The following BCAR3 variants were observed in gnomAD, a reference collection of about 807,000 sequenced individuals.
BCAR3 encodes the protein breast cancer anti-estrogen resistance protein 3.
A neutral mutation model predicts 80.1 loss-of-function variants in BCAR3; 37 were observed. The ratio of observed to expected loss-of-function variants is 0.46; its 90% confidence interval spans 0.36 to 0.61. The LOEUF is 0.61. BCAR3 is among the 20% of genes least tolerant of loss of function. The pLI is 0.00. For missense variants in BCAR3, 978 were observed against 1,068.2 expected (o/e 0.92, Z 1.18); for synonymous variants, 389 against 418.9 (o/e 0.93, Z 0.87).
intron 2 of BCAR3, among the ~76,000 whole-genome samples, chr1:93,766,202 A>T (rs749917596): frequency 3.2e-4 from 49 of 152,188 alleles, no homozygotes; most frequent in Non-Finnish European, 6.6e-4. Context: ...AGTTTACAGA[A>T]CAACCCTGTG....
At chr1:93,683,697 T>C (rs1421874420), upstream of BCAR3, among the ~76,000 whole-genome samples, 1 of 152,216 alleles carries the variant, frequency 6.6e-6, no homozygotes, top group Non-Finnish European at 1.5e-5. Context: ...ACATACTATA[T>C]GATTCCATTT....
chr1:93,697,757 T>A (rs1351640769), intron 3 of BCAR3, among the ~76,000 whole-genome samples: 1 of 151,954 alleles, frequency 6.6e-6, no homozygotes, highest in Non-Finnish European at 1.5e-5. Flanking sequence ...AGACGACGGA[T>A]CACCTGGGGT....
At chr1:93,637,245 C>G (rs1029591445) in intron 3 of BCAR3, among the ~76,000 whole-genome samples, 26 of 151,992 alleles carry the variant, frequency 1.7e-4, no homozygotes, top group African/African-American at 6.3e-4. Context: ...TCTCGGCTCA[C>G]TGCAACCTCC....
Position 93,642,325 on chromosome 1 carries a change from G to A in BCAR3, c.336C>T (p.Asp112=). Reference sequence around the variant, plus strand: ...CTACCTTCACATATTCCACAGTTGGGTCCAGAAGATGTGGATCCCTGAAAA... The same window carrying A: ...CTACCTTCACATATTCCACAGTTGGATCCAGAAGATGTGGATCCCTGAAAA... ...TFTFRDPHLL[D]PTVEYVKFSK... Residue 112 remains aspartate, a synonymous_variant, in exon 3 of 12, where the codon GAC becomes GAT. Coordinates refer to ENST00000260502, the MANE Select transcript of BCAR3 (RefSeq NM_003567.4). 6.2e-7 allele frequency: 1 copy of A among 1,613,712 alleles called. No individual in the cohort carries two copies. The highest frequency in any genetic ancestry group is 1.3e-5 in the African/African-American group (1 of 75,026).
intron 3 of BCAR3, among the ~76,000 whole-genome samples, chr1:93,604,392 A>G (rs1451692280): frequency 6.6e-6 from 1 of 152,232 alleles, no homozygotes; most frequent in African/African-American, 2.4e-5. Flanking sequence ...TATGAAGAGG[A>G]TATCTGTAGA....
intron 2 of BCAR3, among the ~76,000 whole-genome samples, chr1:93,763,345 T>A (rs914222852): frequency 3.3e-5 from 5 of 152,184 alleles, no homozygotes; most frequent in Non-Finnish European, 7.3e-5. Flanking sequence ...ATTATAGACA[T>A]GAGCATTGCA....
chr1:93,785,518 C>T lies in BCAR3; in HGVS notation c.-63+60049G>A, dbSNP rs1185956590. On this transcript the variant is annotated intron_variant, in intron 2 of 13. Coordinates refer to the BCAR3 transcript ENST00000370244. The stretch of plus-strand genomic sequence containing the variant: ...AATTCACAATTTTTAAAATAATGTG[C>T]TAGCTATACCAAACATGTCTGTGAA... 2.6e-5 allele frequency among the ~76,000 whole-genome samples: 4 copies of T among 152,158 alleles called. No individual in the cohort carries two copies. The East Asian group carries it at 7.7e-4, about 29-fold the overall frequency.
chr1:93,582,342 G>A lies in BCAR3; in HGVS notation c.1645C>T (p.Pro549Ser). ...RAKELFTNND[P>S]KVIAQHVLSM... ...AGTACGTGCTGGGCGATGACCTTGG[G>A]GTCGTTGTTGGTGAACAGTTCTTTT... The change falls in exon 7 of 12, where the codon CCC (proline) becomes TCC (serine). Residue 549 changes from proline to serine, a missense_variant. Physicochemically the swap from Pro to Ser is moderately conservative, Grantham distance 74 (BLOSUM62 -1). Coordinates refer to ENST00000260502, the MANE Select transcript of BCAR3 (RefSeq NM_003567.4). 2 of 1,614,204 alleles carry A rather than the reference G, an allele frequency of 1.2e-6. No homozygotes were observed. The highest frequency in any genetic ancestry group is 1.7e-6 in the Non-Finnish European group (2 of 1,180,050).
At chr1:93,800,236 G>A (rs1481784186) in intron 2 of BCAR3, among the ~76,000 whole-genome samples, 1 of 152,026 alleles carries the variant, frequency 6.6e-6, no homozygotes, top group African/African-American at 2.4e-5. Flanking sequence ...TTATGACATT[G>A]GTGGATGATT....
intron 2 of BCAR3, among the ~76,000 whole-genome samples, chr1:93,812,735 G>A (rs1323223721): frequency 3.3e-5 from 5 of 152,190 alleles, no homozygotes; most frequent in Non-Finnish European, 7.3e-5. Context: ...CCCCTCCAGG[G>A]TGGGCTGGAC....
intron 2 of BCAR3, among the ~76,000 whole-genome samples, chr1:93,660,205 C>A (rs1005177022): frequency 6.6e-6 from 1 of 152,162 alleles, no homozygotes; most frequent in Non-Finnish European, 1.5e-5. Context: ...GATTGACAGG[C>A]CCCCTCATTA....
At chr1:93,570,361 G>T (rs940615797) in intron 9 of BCAR3, among the ~76,000 whole-genome samples, 1 of 152,276 alleles carries the variant, frequency 6.6e-6, no homozygotes, top group East Asian at 1.9e-4. Flanking sequence ...AGCGGTTTTG[G>T]TGTTACTAGA....
chr1:93,657,881 G>A (rs974812595), intron 2 of BCAR3, among the ~76,000 whole-genome samples: 10 of 151,870 alleles, frequency 6.6e-5, no homozygotes, highest in African/African-American at 2.4e-4. Context: ...ATTCTAGATG[G>A]TGAAGTATTA....
intron 3 of BCAR3, 119 bp downstream of exon 3, chr1:93,642,185 G>T: frequency 8.6e-7 from 1 of 1,156,992 alleles, no homozygotes; most frequent in Non-Finnish European, 1.3e-6. Context: ...CTGTTGTTTT[G>T]GAGAGTCTAA....
chr1:93,564,937 T>C (rs1672881800), intron 11 of BCAR3, among the ~76,000 whole-genome samples: 1 of 152,228 alleles, frequency 6.6e-6, no homozygotes, highest in African/African-American at 2.4e-5. Context: ...AAGAGTCATG[T>C]GGTTCTCATC....
intron 2 of BCAR3, among the ~76,000 whole-genome samples, chr1:93,731,924 A>T (rs2100684686): frequency 6.6e-6 from 1 of 152,294 alleles, no homozygotes; most frequent in South Asian, 2.1e-4. Flanking sequence ...AAGGGCTCTG[A>T]TCCTGGAGAT....
At chr1:93,813,414 G>A (rs1653913869) in intron 2 of BCAR3, among the ~76,000 whole-genome samples, 1 of 152,152 alleles carries the variant, frequency 6.6e-6, no homozygotes, top group Non-Finnish European at 1.5e-5. Flanking sequence ...CAAATCGGGT[G>A]TGGCTACCAC....
At chr1:93,612,890 C>G (rs1674997739) in intron 3 of BCAR3, among the ~76,000 whole-genome samples, 2 of 152,186 alleles carry the variant, frequency 1.3e-5, no homozygotes, top group Admixed American at 6.5e-5. Context: ...GAAACTCACC[C>G]TTTTCCCACT....
intron 2 of BCAR3, among the ~76,000 whole-genome samples, chr1:93,790,652 T>TG (rs34306011): frequency 0.42 from 34,713 of 82,512 alleles, 5,831 homozygotes; most frequent in East Asian, 0.64. Context: ...TTTTTCTTAA[T>TG]TTTTTTTTTT....
Sources: allele counts gnomAD v4.1 joint callset (sites outside exome capture counted in the v4.1 genomes callset), GRCh38; gene constraint gnomAD v4.1.1; transcripts MANE v1.5; gene names NCBI Gene and HGNC (gene_info 2026-07-23, HGNC 2026-07-21).